Variants in SMYD3 observed in about 807,000 individuals in gnomAD.
SMYD3 encodes histone-lysine N-methyltransferase SMYD3.
A neutral mutation model predicts 57.7 loss-of-function variants in SMYD3; 36 were observed. The observed-to-expected ratio is 0.62, with a 90% confidence interval of 0.48 to 0.82. The LOEUF (loss-of-function observed/expected upper bound fraction) is 0.82, where lower values mean the gene tolerates loss of function less well. SMYD3 is among the 40% of genes least tolerant of loss of function. The pLI is 0.00. For synonymous variants in SMYD3, 211 were observed against 195.0 expected (o/e 1.08, Z -0.68); for missense variants, 515 against 538.8 (o/e 0.96, Z 0.44).
At chr1:246,494,304 A>G (rs7517207) in intron 1 of SMYD3, among the ~76,000 whole-genome samples, 43,378 of 152,116 alleles carry the variant, frequency 0.29, 7,219 homozygotes, top group African/African-American at 0.45. Context: ...ACATTTCCCA[A>G]TTAGTTATTC....
chr1:246,357,706 G>A (rs1451597957), intron 1 of SMYD3, among the ~76,000 whole-genome samples: 1 of 152,076 alleles, frequency 6.6e-6, no homozygotes, highest in East Asian at 1.9e-4. Context: ...AATTTTGTAT[G>A]CAGCAAAACT....
chr1:245,965,558 G>A (rs570560182), intron 5 of SMYD3, among the ~76,000 whole-genome samples: 112 of 152,292 alleles, frequency 7.4e-4, no homozygotes, highest in Non-Finnish European at 1.4e-3. Flanking sequence ...TCACTAAACA[G>A]AGATTAGTCA....
intron 1 of SMYD3, among the ~76,000 whole-genome samples, chr1:246,460,642 C>T (rs2067784191): frequency 1.3e-5 from 2 of 152,158 alleles, no homozygotes; most frequent in South Asian, 4.1e-4. Flanking sequence ...AGAAGTCAGT[C>T]AAAAGCTGTG....
intron 1 of SMYD3, among the ~76,000 whole-genome samples, chr1:246,414,892 T>A (rs557197743): frequency 3.9e-5 from 6 of 152,056 alleles, no homozygotes; most frequent in Admixed American, 1.3e-4. Flanking sequence ...AATTTTTGTA[T>A]TTTTAGTAGA....
chr1:246,106,377 T>C (rs1230247555), intron 5 of SMYD3, among the ~76,000 whole-genome samples: 1 of 152,238 alleles, frequency 6.6e-6, no homozygotes, highest in Non-Finnish European at 1.5e-5. Flanking sequence ...CAGTCACTTA[T>C]GCCTTAGTTA....
chr1:246,431,344 C>T (rs1176138440), intron 1 of SMYD3, among the ~76,000 whole-genome samples: 1 of 152,058 alleles, frequency 6.6e-6, no homozygotes, highest in African/African-American at 2.4e-5. Flanking sequence ...GAAAAAGAAC[C>T]CAATTAAAAA....
intron 5 of SMYD3, among the ~76,000 whole-genome samples, chr1:246,067,959 C>G (rs968140460): frequency 2.0e-5 from 3 of 152,138 alleles, no homozygotes; most frequent in African/African-American, 7.2e-5. Context: ...TGGTCCTCAG[C>G]AAGACCCTCT....
At chr1:245,811,263 T>TA (rs2048456265) in intron 10 of SMYD3, among the ~76,000 whole-genome samples, 1 of 152,210 alleles carries the variant, frequency 6.6e-6, no homozygotes, top group Admixed American at 6.5e-5. Context: ...ATTTAAACAG[T>TA]AGTTATCTCT....
chr1:246,152,974 G>T (rs1030340427), intron 5 of SMYD3, among the ~76,000 whole-genome samples: 6 of 152,156 alleles, frequency 3.9e-5, no homozygotes, highest in Admixed American at 2.0e-4. Flanking sequence ...AGCTTTGATG[G>T]AGGAAATCAT....
At chr1:246,267,374 T>G (rs1217852526) in intron 5 of SMYD3, among the ~76,000 whole-genome samples, 1 of 152,062 alleles carries the variant, frequency 6.6e-6, no homozygotes, top group African/African-American at 2.4e-5. Context: ...AGAAAAAAAA[T>G]GGTATTATTT....
chr1:245,952,977 C>G (rs1274938658), intron 5 of SMYD3, among the ~76,000 whole-genome samples: 5 of 152,038 alleles, frequency 3.3e-5, no homozygotes, highest in Admixed American at 1.3e-4. Flanking sequence ...TCATAAAATA[C>G]TAGATTCCAA....
At chr1:246,367,426 G>A (rs972552033) in intron 1 of SMYD3, among the ~76,000 whole-genome samples, 2 of 152,206 alleles carry the variant, frequency 1.3e-5, no homozygotes, top group African/African-American at 4.8e-5. Context: ...AAGTATGGTG[G>A]TCTCAGAAAG....
chr1:245,961,989 A>C (rs2058022736), intron 5 of SMYD3, among the ~76,000 whole-genome samples: 1 of 152,158 alleles, frequency 6.6e-6, no homozygotes, highest in Non-Finnish European at 1.5e-5. Context: ...CACGTATAGT[A>C]GTTATCCTCA....
intron 1 of SMYD3, among the ~76,000 whole-genome samples, chr1:246,459,048 G>A (rs1378650230): frequency 6.6e-6 from 1 of 151,976 alleles, no homozygotes; most frequent in Admixed American, 6.6e-5. Flanking sequence ...TTGAAGGAGG[G>A]GCCTGATGGG....
intron 5 of SMYD3, among the ~76,000 whole-genome samples, chr1:246,195,719 T>C (rs1038619928): frequency 6.6e-6 from 1 of 152,234 alleles, no homozygotes; most frequent in Admixed American, 6.5e-5. Context: ...AGAATGCCTC[T>C]CACTAAGTCA....
intron 5 of SMYD3, among the ~76,000 whole-genome samples, chr1:246,106,114 C>A (rs1332850648): frequency 6.6e-6 from 1 of 152,132 alleles, no homozygotes; most frequent in Non-Finnish European, 1.5e-5. Context: ...ACTCTCTAGG[C>A]CTTGTGCCTA....
At chr1:246,330,560 G>A (rs771975486) in intron 3 of SMYD3, 23 bp from the exon 4 acceptor site, 15 of 1,571,126 alleles carry the variant, frequency 9.5e-6, no homozygotes, top group African/African-American at 1.4e-5. Flanking sequence ...AGGGGAAAAC[G>A]CCAATAACAA....
chr1:246,269,428 G>A (rs905949410), intron 5 of SMYD3, among the ~76,000 whole-genome samples: 4 of 152,022 alleles, frequency 2.6e-5, no homozygotes, highest in East Asian at 1.9e-4. Context: ...ATAGAACCAC[G>A]ATTAGAATCC....
intron 1 of SMYD3, among the ~76,000 whole-genome samples, chr1:246,359,471 A>C (rs1313363740): frequency 6.6e-6 from 1 of 152,238 alleles, no homozygotes; most frequent in Non-Finnish European, 1.5e-5. Flanking sequence ...CTCTGAAGCC[A>C]GTATCACCCT....
Sources: allele counts gnomAD v4.1 joint callset (sites outside exome capture counted in the v4.1 genomes callset), GRCh38; gene constraint gnomAD v4.1.1; transcripts MANE v1.5; gene names NCBI Gene and HGNC (gene_info 2026-07-23, HGNC 2026-07-21).